Variants in SARDH observed in about 807,000 individuals in gnomAD.
SARDH encodes sarcosine dehydrogenase, mitochondrial.
Under a neutral mutation model 109.1 loss-of-function variants are expected in SARDH, and 95 were observed. That is an observed-to-expected ratio of 0.87 (90% CI 0.74 to 1.03). The LOEUF (loss-of-function observed/expected upper bound fraction) is 1.03, where lower values mean the gene tolerates loss of function less well. SARDH is among the 50% of genes least tolerant of loss of function. The pLI, the probability that SARDH is intolerant of heterozygous loss-of-function variation, is 0.00. For missense variants in SARDH, 1,267 were observed against 1,287.8 expected (o/e 0.98, Z 0.25); for synonymous variants, 572 against 534.8 (o/e 1.07, Z -0.96).
intron 19 of SARDH, among the ~76,000 whole-genome samples, chr9:133,668,219 C>T (rs1405452312): frequency 6.6e-6 from 1 of 151,564 alleles, no homozygotes; most frequent in Admixed American, 6.6e-5. Flanking sequence ...AGAGACAGAG[C>T]CTGACAGGCA....
At chr9:133,722,227 A>G (rs1167676259) in intron 6 of SARDH, among the ~76,000 whole-genome samples, 1 of 152,242 alleles carries the variant, frequency 6.6e-6, no homozygotes, top group Non-Finnish European at 1.5e-5. Flanking sequence ...CCACATCAAC[A>G]AAGTACAGGA....
At chr9:133,677,704 C>A (rs1221885911) in intron 17 of SARDH, among the ~76,000 whole-genome samples, 1 of 152,222 alleles carries the variant, frequency 6.6e-6, no homozygotes, top group Non-Finnish European at 1.5e-5. Flanking sequence ...TTGGCCCTGG[C>A]TGGGGGCAAG....
At chr9:133,662,668 G>A (rs373883703), downstream of SARDH, among the ~76,000 whole-genome samples, 11 of 152,336 alleles carry the variant, frequency 7.2e-5, no homozygotes, top group South Asian at 4.1e-4. The surrounding 1 kb of genome is among the most constrained non-coding windows in gnomAD (Gnocchi z 5.1). Context: ...GCCTGGGAGC[G>A]TCCAGTGGCA....
At chr9:133,674,940 C>A (rs757953315) in intron 17 of SARDH, among the ~76,000 whole-genome samples, 1 of 152,164 alleles carries the variant, frequency 6.6e-6, no homozygotes, top group Admixed American at 6.5e-5. Flanking sequence ...AGGCAACCCA[C>A]GGGATGGGAG....
At chr9:133,662,881 C>T (rs543569111), downstream of SARDH, among the ~76,000 whole-genome samples, 2 of 152,280 alleles carry the variant, frequency 1.3e-5, no homozygotes, top group South Asian at 2.1e-4. This position sits in a 1 kb window ranked among gnomAD's most constrained non-coding sequence, Gnocchi z 5.1. Flanking sequence ...GGACTGAGCA[C>T]GTGGGATGGA....
rs574514439 is a variant in SARDH at position 133,728,024 on chromosome 9, G to C, written c.915+1741C>G. 6.6e-6 allele frequency among the ~76,000 whole-genome samples: 1 copy of C among 152,216 alleles called. No individual in the cohort carries two copies. The highest frequency in any genetic ancestry group is 1.9e-4 in the East Asian group (1 of 5,166). ...AGCGTGACCCCTGGCGGCCACCTAG[G>C]GGAGGAGGCTCTCCCCAGGGACCCG... On this transcript the variant is annotated intron_variant, in intron 6 of 20. Coordinates refer to ENST00000439388, the MANE Select transcript of SARDH (RefSeq NM_001134707.2). This position sits in a 1 kb window ranked among gnomAD's most constrained non-coding sequence, Gnocchi z 5.0.
At chr9:133,671,496 G>T in intron 18 of SARDH, 39 bp downstream of exon 18, 1 of 1,508,558 alleles carries the variant, frequency 6.6e-7, no homozygotes, top group Admixed American at 2.1e-5. Context: ...CCCCCACTGC[G>T]CCCGCCCCCG....
In SARDH at chr9:133,728,081, C is replaced by T. The variant is rs572055378; in HGVS notation, c.915+1684G>A. Among the ~76,000 whole-genome samples the T allele has an allele frequency of 4.6e-4, 70 of 152,228 alleles. 1 individual carries two copies. The highest frequency in any genetic ancestry group is 1.6e-3 in the African/African-American group (66 of 41,520). Reference sequence around the variant, plus strand: ...GGGAGGAGGCCTCAGCACTCAGCTCCGACACCCACCGTGTGACTACTCTTA... The same window carrying T: ...GGGAGGAGGCCTCAGCACTCAGCTCTGACACCCACCGTGTGACTACTCTTA... On this transcript the variant is annotated intron_variant, in intron 6 of 20. Transcript: ENST00000439388. This position sits in a 1 kb window ranked among gnomAD's most constrained non-coding sequence, Gnocchi z 5.0.
At chr9:133,701,718 G>T (rs1156435795) in intron 13 of SARDH, among the ~76,000 whole-genome samples, 1 of 152,222 alleles carries the variant, frequency 6.6e-6, no homozygotes, top group African/African-American at 2.4e-5. Flanking sequence ...CCCTGCTGCT[G>T]CGGCGCTTCA....
intron 16 of SARDH, among the ~76,000 whole-genome samples, chr9:133,685,996 A>T (rs1312278118): frequency 6.6e-6 from 1 of 152,138 alleles, no homozygotes; most frequent in Non-Finnish European, 1.5e-5. Flanking sequence ...CTTAGCACCC[A>T]GCAGGTGCTA....
intron 6 of SARDH, among the ~76,000 whole-genome samples, chr9:133,719,798 G>A (rs552987852): frequency 3.3e-5 from 5 of 152,090 alleles, no homozygotes; most frequent in Non-Finnish European, 7.4e-5. Context: ...CAATCACACT[G>A]CTGCTCACTC....
At chr9:133,676,385 G>A (rs557933288) in intron 17 of SARDH, among the ~76,000 whole-genome samples, 2 of 152,188 alleles carry the variant, frequency 1.3e-5, no homozygotes, top group Admixed American at 1.3e-4. Flanking sequence ...CCTCAATGGG[G>A]ACAGAGCTTC....
intron 16 of SARDH, among the ~76,000 whole-genome samples, chr9:133,687,685 T>G (rs974570137): frequency 4.6e-5 from 7 of 152,164 alleles, no homozygotes; most frequent in Non-Finnish European, 1.0e-4. Context: ...GTTTAGTGGC[T>G]GCGTGTTGGA....
At chr9:133,727,333 G>A (rs1260504580) in intron 6 of SARDH, among the ~76,000 whole-genome samples, 1 of 152,220 alleles carries the variant, frequency 6.6e-6, no homozygotes, top group Non-Finnish European at 1.5e-5. Context: ...CCTGCCAGCT[G>A]GAGCCCCCAG....
chr9:133,690,557 G>T, intron 15 of SARDH, 30 bp from the exon 16 acceptor site: 1 of 1,583,300 alleles, frequency 6.3e-7, no homozygotes, highest in Non-Finnish European at 8.6e-7. Context: ...ACTTAGAGCA[G>T]GATTTCAGGG....
At position 133,694,333 on chromosome 9, in the gene SARDH, C is replaced by T. The variant is rs910819964; in HGVS notation, c.1846G>A (p.Gly616Ser). 3 of 1,550,750 alleles carry T rather than the reference C, an allele frequency of 1.9e-6. No individual in the cohort carries two copies. The highest frequency in any genetic ancestry group is 1.2e-5 in the South Asian group (1 of 84,056). Residue 616 changes from glycine (G) to serine (S), a missense_variant, in exon 15 of 21, where the codon GGC becomes AGC. Coordinates refer to ENST00000439388, the MANE Select transcript of SARDH (RefSeq NM_001134707.2). ...CTGACAGTCAGGTCACTCTCGGTGCCCCCACGGTGGTTGAGCATGCACGTG... is the reference window on the plus strand; with the variant it reads ...CTGACAGTCAGGTCACTCTCGGTGCTCCCACGGTGGTTGAGCATGCACGTG... ...VYTCMLNHRGGTESDLTVSRL... is the reference protein window; with the variant it reads ...VYTCMLNHRGSTESDLTVSRL...
rs535660543 is a variant in SARDH, at chr9:133,728,308, G to A, written c.915+1457C>T. ...AAGCAGCCAAGCCTGGTACCTCCCC[G>A]GTGACCATAGGGAAGCCAGGCTGGC... On this transcript the variant is annotated intron_variant, in intron 6 of 20. Coordinates refer to ENST00000439388, the MANE Select transcript of SARDH (RefSeq NM_001134707.2). This position sits in a 1 kb window ranked among gnomAD's most constrained non-coding sequence, Gnocchi z 5.0. Among the ~76,000 whole-genome samples the A allele has an allele frequency of 2.0e-5, 3 of 152,216 alleles. No homozygotes were observed. Among genetic ancestry groups the A allele is most frequent in the Non-Finnish European group, 2.9e-5 (2 of 67,978 alleles).
chr9:133,701,908 T>A (rs1831502224), intron 13 of SARDH, among the ~76,000 whole-genome samples: 1 of 151,834 alleles, frequency 6.6e-6, no homozygotes, highest in East Asian at 1.9e-4. Flanking sequence ...CCATGAAGAG[T>A]CTCAAGGCAC....
chr9:133,712,784 T>A lies in SARDH; in HGVS notation c.1238-75A>T, dbSNP rs1469923170. 6 of 1,391,954 alleles carry A rather than the reference T, an allele frequency of 4.3e-6. No homozygotes were observed. Among genetic ancestry groups the A allele is most frequent in the Non-Finnish European group, 4.0e-6 (4 of 999,406 alleles). 86.2% of individuals were successfully genotyped at this position (1,391,954 alleles called of 1,614,324 possible). A position where few individuals can be genotyped will look rare whatever the true frequency, so the allele number is the denominator to read the frequency against. ...ACCCATGTCCAAACATGTGCCCCCA[T>A]CTCCACGGACAGCACAGACACTCCA... On this transcript the variant is annotated intron_variant, in intron 9 of 20. Transcript: ENST00000439388. This position sits in a 1 kb window ranked among gnomAD's most constrained non-coding sequence, Gnocchi z 4.1.
Sources: gnomAD v4.1 joint callset for allele counts (sites outside exome capture counted in the v4.1 genomes callset) on GRCh38, gnomAD v4.1.1 for gene constraint, Gnocchi (gnomAD v3.1) non-coding constraint, MANE v1.5 for transcripts, NCBI Gene and HGNC (gene_info 2026-07-23, HGNC 2026-07-21) for gene names.